Variants in CBFA2T2 observed in about 807,000 individuals in gnomAD.
CBFA2T2 encodes the protein protein CBFA2T2.
In CBFA2T2, 11 loss-of-function variants were observed where a neutral mutation model predicts 62.2. The ratio of observed to expected loss-of-function variants is 0.18; its 90% confidence interval spans 0.11 to 0.29. The LOEUF (loss-of-function observed/expected upper bound fraction) is 0.29. Ranked by LOEUF, CBFA2T2 falls within the 10% of genes least tolerant of loss-of-function variation. The pLI is 1.00. For missense variants in CBFA2T2, 592 were observed against 774.1 expected (o/e 0.76, Z 2.79); for synonymous variants, 295 against 287.5 (o/e 1.03, Z -0.27).
At chr20:33,636,764 A>C (rs2122377936) in intron 9 of CBFA2T2, 56 bp downstream of exon 9, 1 of 1,299,752 alleles carries the variant, frequency 7.7e-7, no homozygotes, top group South Asian at 1.2e-5. Flanking sequence ...GGGAGCAGAG[A>C]ACAGATAACT....
intron 1 of CBFA2T2, among the ~76,000 whole-genome samples, chr20:33,559,340 A>G (rs951665155): frequency 4.6e-5 from 7 of 151,430 alleles, no homozygotes; most frequent in African/African-American, 1.7e-4. Flanking sequence ...TGCCTGGCTA[A>G]TTTTTGTATT....
chr20:33,529,502 C>T (rs921661794), intron 1 of CBFA2T2, among the ~76,000 whole-genome samples: 8 of 151,506 alleles, frequency 5.3e-5, no homozygotes, highest in South Asian at 2.1e-4. Flanking sequence ...TGGTGGCTCG[C>T]GCCTGTAATC....
chr20:33,627,194 G>A lies in CBFA2T2; in HGVS notation c.947-1156G>A, dbSNP rs141261296. Among the ~76,000 whole-genome samples the A allele has an allele frequency of 4.2e-3, 638 of 152,134 alleles. 4 individuals are homozygous for A. Among genetic ancestry groups the A allele is most frequent in the African/African-American group, 0.014 (592 of 41,484 alleles). On this transcript the variant is annotated intron_variant, in intron 6 of 10. Coordinates refer to ENST00000342704, the MANE Select transcript of CBFA2T2 (RefSeq NM_001032999.3). ...GGGCGAATCGTGAGGTCAGGAGATC[G>A]AGACCATCCTGGCTAACATGGTAAA...
chr20:33,622,325 C>G (rs1436997961), intron 4 of CBFA2T2, among the ~76,000 whole-genome samples: 1 of 152,180 alleles, frequency 6.6e-6, no homozygotes, highest in African/African-American at 2.4e-5. Flanking sequence ...TGTATTAAAA[C>G]TCTCCTTTCA....
At chr20:33,624,083 A>T (rs2016116483) in intron 5 of CBFA2T2, 1 of 525,424 alleles carries the variant, frequency 1.9e-6, no homozygotes, top group East Asian at 3.0e-5. Flanking sequence ...TTAATTATTA[A>T]TATTTGCCAA....
At chr20:33,538,325 C>A (rs1430783421) in intron 1 of CBFA2T2, among the ~76,000 whole-genome samples, 5 of 151,502 alleles carry the variant, frequency 3.3e-5, no homozygotes, top group African/African-American at 1.2e-4. Flanking sequence ...GCTAAATTCA[C>A]TTATTTTAAT....
chr20:33,609,145 T>A (rs2015436455), intron 2 of CBFA2T2, among the ~76,000 whole-genome samples: 1 of 152,090 alleles, frequency 6.6e-6, no homozygotes, highest in Non-Finnish European at 1.5e-5. Context: ...AGTATGCACA[T>A]ATGTATTGTG....
At chr20:33,512,466 A>G (rs562898693) in intron 1 of CBFA2T2, among the ~76,000 whole-genome samples, 1 of 152,260 alleles carries the variant, frequency 6.6e-6, no homozygotes, top group East Asian at 1.9e-4. Context: ...GACCTCTATC[A>G]CCATTCATTA....
At chr20:33,640,746 C>CAT (rs370686833) in intron 10 of CBFA2T2, among the ~76,000 whole-genome samples, 4,170 of 151,582 alleles carry the variant, frequency 0.028, 173 homozygotes, top group African/African-American at 0.091. Context: ...TACATACATA[C>CAT]ATATATATAT....
chr20:33,634,452 G>A (rs951940008), intron 8 of CBFA2T2, among the ~76,000 whole-genome samples: 8 of 151,948 alleles, frequency 5.3e-5, no homozygotes, highest in Admixed American at 3.9e-4. Context: ...CTGGCAAATC[G>A]CTTAAACTCA....
At chr20:33,537,222 C>T (rs894618893) in intron 1 of CBFA2T2, among the ~76,000 whole-genome samples, 10 of 152,266 alleles carry the variant, frequency 6.6e-5, no homozygotes, top group Admixed American at 3.3e-4. Context: ...AACCAGACTC[C>T]GTCTGCAATC....
intron 3 of CBFA2T2, 107 bp from the exon 4 acceptor site, chr20:33,619,406 CAAAT>C (rs200568381): frequency 0.021 from 11,708 of 566,604 alleles, 749 homozygotes; most frequent in Admixed American, 0.17. Context: ...GACTCCATCT[CAAAT>C]AAATAAATAA....
intron 1 of CBFA2T2, among the ~76,000 whole-genome samples, chr20:33,507,136 A>G (rs1045813711): frequency 2.0e-5 from 3 of 152,244 alleles, no homozygotes; most frequent in Non-Finnish European, 4.4e-5. Context: ...AAGGTGGACT[A>G]TAATGAATTG....
At chr20:33,564,750 TG>T (rs141648915) in intron 1 of CBFA2T2, among the ~76,000 whole-genome samples, 3,415 of 151,874 alleles carry the variant, frequency 0.022, 122 homozygotes, top group African/African-American at 0.078. Flanking sequence ...CAGCTAATTT[TG>T]GTAGTTTTTA....
At chr20:33,629,651 C>A (rs1340231009) in intron 7 of CBFA2T2, 68 bp from the exon 8 acceptor site, 1 of 1,400,270 alleles carries the variant, frequency 7.1e-7, no homozygotes, top group Non-Finnish European at 9.8e-7. Flanking sequence ...ATTGCGTTGG[C>A]CTGATTTACA....
At chr20:33,509,995 G>A (rs371268095) in intron 1 of CBFA2T2, among the ~76,000 whole-genome samples, 7 of 151,646 alleles carry the variant, frequency 4.6e-5, no homozygotes, top group Middle Eastern at 3.2e-3. Context: ...CACAGGCCTC[G>A]GGGTGTGATG....
chr20:33,616,301 A>G (rs779259377), intron 3 of CBFA2T2, among the ~76,000 whole-genome samples: 1 of 152,188 alleles, frequency 6.6e-6, no homozygotes, highest in South Asian at 2.1e-4. Context: ...GGTTGTCACT[A>G]TATGTAGAGG....
rs983636361 is a variant in CBFA2T2 at position 33,637,754 on chromosome 20, G to A, written c.1297+1046G>A. Among the ~76,000 whole-genome samples the A allele has an allele frequency of 1.0e-4, 15 of 147,096 alleles. No homozygotes were observed. The South Asian group carries it at 2.2e-3, about 21-fold the overall frequency. ...GTGATCTCGGCTCACTGCAACTTCC[G>A]CCTCCCCGGTTCAAGCTATTCTCCT... On this transcript the variant is annotated intron_variant, in intron 9 of 10. Coordinates refer to ENST00000342704, the MANE Select transcript of CBFA2T2 (RefSeq NM_001032999.3).
At chr20:33,616,961 A>C (rs1339161513) in intron 3 of CBFA2T2, among the ~76,000 whole-genome samples, 8 of 152,192 alleles carry the variant, frequency 5.3e-5, no homozygotes. Flanking sequence ...TTCTCTGGCC[A>C]GGTAACACCC....
Sources: gnomAD v4.1 joint callset for allele counts (sites outside exome capture counted in the v4.1 genomes callset) on GRCh38, gnomAD v4.1.1 for gene constraint, MANE v1.5 for transcripts, NCBI Gene and HGNC (gene_info 2026-07-23, HGNC 2026-07-21) for gene names.